Variants in EYA2 observed in about 807,000 individuals in gnomAD.
EYA2 encodes the protein protein phosphatase EYA2.
In EYA2, 31 loss-of-function variants were observed where a neutral mutation model predicts 69.2. The observed-to-expected ratio is 0.45, with a 90% CI of 0.34 to 0.60. EYA2 has a LOEUF of 0.60. Ranked by LOEUF, EYA2 falls within the 20% of genes least tolerant of loss-of-function variation. The pLI is 0.02. For missense variants in EYA2, 622 were observed against 701.2 expected (o/e 0.89, Z 1.28); for synonymous variants, 257 against 279.4 (o/e 0.92, Z 0.80).
chr20:47,122,149 C>T (rs757083446), intron 9 of EYA2, among the ~76,000 whole-genome samples: 1 of 152,116 alleles, frequency 6.6e-6, no homozygotes, highest in Non-Finnish European at 1.5e-5. Context: ...AGAAACCACC[C>T]CCTATAAATG....
intron 1 of EYA2, among the ~76,000 whole-genome samples, chr20:46,945,649 G>A (rs1978412318): frequency 6.6e-6 from 1 of 152,230 alleles, no homozygotes; most frequent in Non-Finnish European, 1.5e-5. Flanking sequence ...TCTGGTCATC[G>A]TTAGGGCGTT....
chr20:46,958,474 A>G (rs921771903), intron 1 of EYA2, among the ~76,000 whole-genome samples: 1 of 152,130 alleles, frequency 6.6e-6, no homozygotes, highest in African/African-American at 2.4e-5. Context: ...AACATGTTAT[A>G]TAGTTTTTCA....
At position 47,121,078 on chromosome 20, in the gene EYA2, G is replaced by T. The variant is rs182676228; in HGVS notation, c.889-21981G>T. Among the ~76,000 whole-genome samples the T allele has an allele frequency of 3.6e-4, 48 of 133,722 alleles. No individual in the cohort carries two copies. In the East Asian group the frequency reaches 4.7e-3, roughly 13 times the overall value. The allele number at this position is 133,722 out of a possible 152,430, so 87.7% of individuals were successfully genotyped here. On this transcript the variant is annotated intron_variant, in intron 9 of 15. Transcript: ENST00000327619. ...GGCTTTTAATTAGGAATTCAAGTTT[G>T]TTGTTGTTGTTGTTGTTGTTGTTGG...
chr20:47,070,426 G>A (rs746342582), intron 5 of EYA2, among the ~76,000 whole-genome samples: 4 of 152,178 alleles, frequency 2.6e-5, no homozygotes, highest in Non-Finnish European at 5.9e-5. Context: ...GAGAACTCTC[G>A]TGCATTACCA....
chr20:47,181,045 G>A (rs758313490), intron 14 of EYA2, 109 bp downstream of exon 14: 47 of 1,442,862 alleles, frequency 3.3e-5, no homozygotes, highest in Non-Finnish European at 4.2e-5. Flanking sequence ...AATGGATGGA[G>A]TGTGCCTATG....
chr20:46,988,081 C>T (rs78600162), intron 1 of EYA2, among the ~76,000 whole-genome samples: 2,357 of 145,950 alleles, frequency 0.016, 52 homozygotes, highest in African/African-American at 0.055. Context: ...GTTTACATTG[C>T]GTTGGACATT....
Position 47,167,340 on chromosome 20 carries a change from G to A in EYA2, c.979-1799G>A, listed in dbSNP as rs972083866. Among the ~76,000 whole-genome samples, 8 of 142,044 alleles carry A rather than the reference G, an allele frequency of 5.6e-5. No individual in the cohort carries two copies. The Admixed American group carries it at 5.8e-4, about 10-fold the overall frequency. The allele number at this position is 142,044 out of a possible 152,430, so 93.2% of individuals were successfully genotyped here. A position where few individuals can be genotyped will look rare whatever the true frequency, so the allele number is the denominator to read the frequency against. On this transcript the variant is annotated intron_variant, in intron 10 of 15. Transcript: ENST00000327619. ...TCTGTCGCCCAGGCTGGCGTGCAGT[G>A]GTGTGATCTCAGCTCACTGCAGCCT...
At chr20:47,153,701 A>G (rs890543434) in intron 10 of EYA2, among the ~76,000 whole-genome samples, 6 of 151,862 alleles carry the variant, frequency 4.0e-5, no homozygotes, top group Non-Finnish European at 5.9e-5. Context: ...GGACTCCTCT[A>G]TGGCTAAATC....
intron 11 of EYA2, 31 bp downstream of exon 11, chr20:47,169,228 T>C (rs776421056): frequency 2.5e-6 from 4 of 1,570,436 alleles, no homozygotes; most frequent in African/African-American, 1.3e-5. Flanking sequence ...AAATGCCCAT[T>C]GATTGATTGA....
chr20:47,010,213 C>T (rs976700001), intron 4 of EYA2, among the ~76,000 whole-genome samples: 21 of 152,198 alleles, frequency 1.4e-4, no homozygotes, highest in African/African-American at 5.1e-4. Context: ...TTGTCTCTGG[C>T]TTTGTAAAAA....
intron 4 of EYA2, among the ~76,000 whole-genome samples, chr20:47,007,384 C>A (rs1982782088): frequency 6.6e-6 from 1 of 152,202 alleles, no homozygotes; most frequent in Admixed American, 6.5e-5. Flanking sequence ...CAGGCACAGA[C>A]AGGAGAGCAT....
At position 47,072,254 on chromosome 20, in the gene EYA2, T is replaced by C. The variant is rs2031341910; in HGVS notation, c.483+2T>C. 1 of 1,609,772 alleles carries C rather than the reference T, an allele frequency of 6.2e-7. No homozygotes were observed. The highest frequency in any genetic ancestry group is 1.1e-5 in the South Asian group (1 of 90,174). On this transcript the variant is annotated splice_donor_variant, in intron 6 of 15. Coordinates refer to ENST00000327619, the MANE Select transcript of EYA2 (RefSeq NM_005244.5). LOFTEE classifies it high-confidence loss of function. ...GCCGGTTTCGGGAGTGTGCACCAGG[T>C]AGACATGGCTCCCTCCCGATTCTTT...
At chr20:47,122,356 C>A (rs999881139) in intron 9 of EYA2, among the ~76,000 whole-genome samples, 3 of 143,934 alleles carry the variant, frequency 2.1e-5, no homozygotes, top group Non-Finnish European at 1.5e-5. Context: ...TGCAGTGGCA[C>A]GATCTCAGCT....
chr20:47,044,058 G>A (rs2029907119), intron 5 of EYA2, among the ~76,000 whole-genome samples: 1 of 152,172 alleles, frequency 6.6e-6, no homozygotes, highest in Non-Finnish European at 1.5e-5. Flanking sequence ...AGGGCATGCT[G>A]GTATGGACAA....
intron 12 of EYA2, among the ~76,000 whole-genome samples, chr20:47,176,808 T>C (rs1326289776): frequency 7.2e-6 from 1 of 139,692 alleles, no homozygotes; most frequent in African/African-American, 2.6e-5. Flanking sequence ...TTTTTTTTTT[T>C]TGAGACAGAG....
chr20:47,008,368 C>T (rs1328870963), intron 4 of EYA2, among the ~76,000 whole-genome samples: 1 of 152,202 alleles, frequency 6.6e-6, no homozygotes, highest in Non-Finnish European at 1.5e-5. Context: ...GGACCCCGAG[C>T]CCTCACCCAC....
At chr20:47,065,490 G>T (rs1318602820) in intron 5 of EYA2, among the ~76,000 whole-genome samples, 3 of 151,866 alleles carry the variant, frequency 2.0e-5, no homozygotes, top group Non-Finnish European at 4.4e-5. Flanking sequence ...GGGAGGTGGG[G>T]CAATTAGGGG....
At chr20:46,896,912 T>C (rs188490347) in intron 1 of EYA2, among the ~76,000 whole-genome samples, 4 of 152,302 alleles carry the variant, frequency 2.6e-5, no homozygotes, top group African/African-American at 9.6e-5. Context: ...ACCATGTGTA[T>C]GAGAATACTC....
chr20:47,067,348 C>A (rs761390258), intron 5 of EYA2, among the ~76,000 whole-genome samples: 8 of 152,080 alleles, frequency 5.3e-5, no homozygotes, highest in Non-Finnish European at 8.8e-5. Context: ...AGACCTTCTG[C>A]TAAATGTGTC....
Sources: allele counts gnomAD v4.1 joint callset (sites outside exome capture counted in the v4.1 genomes callset), GRCh38; gene constraint gnomAD v4.1.1; transcripts MANE v1.5; gene names NCBI Gene and HGNC (gene_info 2026-07-23, HGNC 2026-07-21).